PI4KA: variants seen among roughly 807,000 people sequenced by gnomAD.
PI4KA encodes PI4-kinase alpha.
PI4KA carries 122 observed loss-of-function variants against 271.4 expected under a neutral mutation model. That is an observed-to-expected ratio of 0.45 (90% confidence interval 0.39 to 0.52). The LOEUF is 0.52. Ranked by LOEUF, PI4KA falls within the 20% of genes least tolerant of loss-of-function variation. The pLI, the probability that PI4KA is intolerant of heterozygous loss-of-function variation, is 0.00. For synonymous variants in PI4KA, 1,041 were observed against 1,078.8 expected, an observed-to-expected ratio of 0.96 and a Z score of 0.69; for missense variants, 1,969 against 2,769.1, an observed-to-expected ratio of 0.71 and a Z score of 6.48.
intron 5 of PI4KA, among the ~76,000 whole-genome samples, chr22:20,820,142 A>G (rs1460726194): frequency 1.3e-5 from 2 of 152,214 alleles, no homozygotes; most frequent in Non-Finnish European, 2.9e-5. Context: ...GAAGGTCTTC[A>G]TCTATTCATG....
At chr22:20,795,037 C>G (rs1934896987) in intron 18 of PI4KA, among the ~76,000 whole-genome samples, 1 of 152,054 alleles carries the variant, frequency 6.6e-6, no homozygotes, top group Non-Finnish European at 1.5e-5. Flanking sequence ...CAATAACTGT[C>G]TGGGGGAAGG....
chr22:20,721,173 G>GCA, intron 43 of PI4KA, 125 bp downstream of exon 43: 1 of 926,652 alleles, frequency 1.1e-6, no homozygotes, highest in East Asian at 2.4e-5. Context: ...CCCAGCAAAG[G>GCA]GTGGGAGTGG....
chr22:20,844,977 G>A (rs1015826712), intron 1 of PI4KA, among the ~76,000 whole-genome samples: 2 of 152,024 alleles, frequency 1.3e-5, no homozygotes, highest in Non-Finnish European at 2.9e-5. Flanking sequence ...GGGGTCTTAG[G>A]GGGAGTGGGT....
rs199920036 is a variant in PI4KA at position 20,742,939 on chromosome 22, CTTTT to C, written c.3457-179_3457-176del. On this transcript the variant is annotated intron_variant, in intron 30 of 54. Coordinates refer to ENST00000255882, the MANE Select transcript of PI4KA (RefSeq NM_058004.4). ...TCAATGATGCTACCACTGATCACAG[CTTTT>C]TTTTTTTTTAAAGAACAGCTCCTCT... 4 of 499,674 alleles carry C rather than the reference CTTTT, an allele frequency of 8.0e-6. No homozygotes were observed. The African/African-American group carries it at 8.1e-5, about 10-fold the overall frequency. 31.0% of individuals were successfully genotyped at this position (499,674 alleles called of 1,614,324 possible). A position where few individuals can be genotyped will look rare whatever the true frequency, so the allele number is the denominator to read the frequency against.
intron 19 of PI4KA, among the ~76,000 whole-genome samples, chr22:20,766,959 A>G (rs931866824): frequency 6.6e-6 from 1 of 152,184 alleles, no homozygotes; most frequent in African/African-American, 2.4e-5. Context: ...TTTGAAAGCA[A>G]TTTGGTAATA....
chr22:20,858,470 G>T, intron 1 of PI4KA, 100 bp downstream of exon 1: 1 of 877,486 alleles, frequency 1.1e-6, no homozygotes, highest in South Asian at 3.8e-5. Context: ...GGCTGCCGGC[G>T]AGCCCAGCCT....
rs1201980937 is a variant in PI4KA, at chr22:20,852,785, A to G, written c.156+5785T>C. On this transcript the variant is annotated intron_variant, in intron 1 of 54. Coordinates refer to ENST00000255882, the MANE Select transcript of PI4KA (RefSeq NM_058004.4). ...TTTTTACTCCATGGCAGACCACTCT[A>G]AAGTACAGACTGAATAACCATGAAC... Among the ~76,000 whole-genome samples the G allele has an allele frequency of 2.0e-5, 3 of 152,198 alleles. No individual in the cohort carries two copies. In the South Asian group the frequency reaches 6.2e-4, roughly 32 times the overall value.
intron 23 of PI4KA, among the ~76,000 whole-genome samples, chr22:20,755,793 C>T (rs1217955322): frequency 6.8e-6 from 1 of 147,418 alleles, no homozygotes; most frequent in African/African-American, 2.5e-5. Context: ...CAGAGCGACA[C>T]ACTGTCACAT....
intron 22 of PI4KA, among the ~76,000 whole-genome samples, chr22:20,762,736 T>G (rs985083221): frequency 6.6e-6 from 1 of 152,204 alleles, no homozygotes; most frequent in Admixed American, 6.5e-5. Flanking sequence ...GAAAATACAT[T>G]GTTTAGAAAA....
intron 39 of PI4KA, 69 bp downstream of exon 39, chr22:20,729,244 C>A: frequency 7.1e-7 from 1 of 1,401,246 alleles, no homozygotes; most frequent in Non-Finnish European, 9.8e-7. Context: ...ACTCATGACC[C>A]AGCTGGCAAG....
rs775166339 is a variant in PI4KA, at chr22:20,764,951, C to T, written c.2575-1G>A. The stretch of plus-strand genomic sequence containing the variant: ...TGCTGCGGAGCTCACTCAGCTCAGC[C>T]TGGAGGGAGAGAAACATCCGAGGGC... On this transcript the variant is annotated splice_acceptor_variant, in intron 21 of 54. Coordinates refer to ENST00000255882, the MANE Select transcript of PI4KA (RefSeq NM_058004.4). LOFTEE classifies it high-confidence loss of function. 1.4e-5 allele frequency: 23 copies of T among 1,602,516 alleles called. No homozygotes were observed. The Admixed American group carries it at 2.7e-4, about 19-fold the overall frequency.
intron 1 of PI4KA, among the ~76,000 whole-genome samples, chr22:20,846,999 T>A (rs1037099188): frequency 5.3e-5 from 8 of 151,360 alleles, no homozygotes; most frequent in African/African-American, 7.3e-5. Flanking sequence ...TACAAAAAAA[T>A]TAGCTGGGTG....
rs554235390 is a variant in PI4KA at position 20,726,162 on chromosome 22, C to T, written c.4995+326G>A. On this transcript the variant is annotated intron_variant, in intron 42 of 54. Transcript: ENST00000255882. ...TCTCGTTAATTTTCCTCACCACTTC[C>T]GGCTGAAGAGGGCAGGATTCAGGGA... Among the ~76,000 whole-genome samples, 213 of 152,266 alleles carry T rather than the reference C, an allele frequency of 1.4e-3. 1 individual carries two copies. Among genetic ancestry groups the T allele is most frequent in the African/African-American group, 4.7e-3 (196 of 41,554 alleles).
chr22:20,753,541 A>G (rs1930948369), intron 23 of PI4KA, among the ~76,000 whole-genome samples: 1 of 152,182 alleles, frequency 6.6e-6, no homozygotes, highest in Non-Finnish European at 1.5e-5. Flanking sequence ...TCAGTCTGTC[A>G]ATGTCTTTTG....
rs1212665748 is a variant in PI4KA, at chr22:20,796,095, C to A, written c.2277+51G>T. On this transcript the variant is annotated intron_variant, in intron 18 of 54. Coordinates refer to ENST00000255882, the MANE Select transcript of PI4KA (RefSeq NM_058004.4). ...ATGGTGCCTGAAGACTAAGCCTTGG[C>A]CAGCAGGGATAGGACACTGATGGGG... The A allele has an allele frequency of 2.6e-6, 4 of 1,549,998 alleles. No homozygotes were observed. The East Asian group carries it at 6.8e-5, about 26-fold the overall frequency.
chr22:20,815,594 T>G (rs756855064), intron 7 of PI4KA, among the ~76,000 whole-genome samples: 1 of 152,270 alleles, frequency 6.6e-6, no homozygotes, highest in South Asian at 2.1e-4. Flanking sequence ...GGCAGCACAC[T>G]GCCAATCTGT....
chr22:20,796,440 G>A, intron 17 of PI4KA, 126 bp from the exon 18 acceptor site: 1 of 763,216 alleles, frequency 1.3e-6, no homozygotes, highest in Non-Finnish European at 2.1e-6. Flanking sequence ...TCCTCCCAGT[G>A]TCTGTAAACC....
In PI4KA at chr22:20,710,438, G is replaced by C. The variant is rs1925105061; in HGVS notation, c.6083+261C>G. The C allele has an allele frequency of 8.8e-6, 5 of 565,702 alleles. No individual in the cohort carries two copies. In the South Asian group the frequency reaches 1.0e-4, roughly 12 times the overall value. 35.0% of individuals were successfully genotyped at this position (565,702 alleles called of 1,614,324 possible). Reference sequence around the variant, plus strand: ...GTGCTCAGGCTTTGGTGACAGGGTGGATGGGATGCCCAGAAAGGGAGAGCC... The same window carrying C: ...GTGCTCAGGCTTTGGTGACAGGGTGCATGGGATGCCCAGAAAGGGAGAGCC... On this transcript the variant is annotated intron_variant, in intron 52 of 54. Transcript: ENST00000255882.
intron 19 of PI4KA, chr22:20,779,654 C>G (rs1472005448): frequency 3.1e-6 from 5 of 1,614,004 alleles, no homozygotes. Flanking sequence ...GGAACATCCT[C>G]CAGCTTTTTC....
Sources: allele counts gnomAD v4.1 joint callset (sites outside exome capture counted in the v4.1 genomes callset), GRCh38; gene constraint gnomAD v4.1.1; transcripts MANE v1.5; gene names NCBI Gene and HGNC (gene_info 2026-07-23, HGNC 2026-07-21).